Variants in PELI2 observed in about 807,000 individuals in gnomAD.
PELI2 encodes E3 ubiquitin-protein ligase pellino homolog 2.
PELI2 carries 23 observed loss-of-function variants against 42.3 expected under a neutral mutation model. That is an observed-to-expected ratio of 0.54 (90% CI 0.39 to 0.77). The LOEUF (loss-of-function observed/expected upper bound fraction) is 0.77, where lower values mean the gene tolerates loss of function less well. PELI2 is among the 30% of genes least tolerant of loss of function. PELI2 has a pLI of 0.00. For missense variants in PELI2, 463 were observed against 553.2 expected, an observed-to-expected ratio of 0.84 and a Z score of 1.64; for synonymous variants, 245 against 212.2, an observed-to-expected ratio of 1.15 and a Z score of -1.34.
intron 2 of PELI2, among the ~76,000 whole-genome samples, chr14:56,215,169 C>A (rs180751644): frequency 6.6e-5 from 10 of 152,322 alleles, no homozygotes; most frequent in Non-Finnish European, 1.3e-4. Flanking sequence ...AGATTTCTAT[C>A]AGCCTTATTT....
At chr14:56,128,600 G>A (rs1337570983) in intron 1 of PELI2, among the ~76,000 whole-genome samples, 3 of 152,110 alleles carry the variant, frequency 2.0e-5, no homozygotes, top group South Asian at 4.1e-4. Context: ...GGTGACCTGG[G>A]TTTTTTATAG....
chr14:56,183,098 G>A lies in PELI2; in HGVS notation c.207+4634G>A, dbSNP rs113319445. The stretch of plus-strand genomic sequence containing the variant: ...CTGCATTATAACTCTTGGATTGGTC[G>A]TGTGTGGTGTTTCATACTTAGAAGT... On this transcript the variant is annotated intron_variant, in intron 2 of 5. Coordinates refer to ENST00000267460, the MANE Select transcript of PELI2 (RefSeq NM_021255.3). 1.1e-3 allele frequency among the ~76,000 whole-genome samples: 168 copies of A among 152,164 alleles called. 1 individual carries two copies. Among genetic ancestry groups the A allele is most frequent in the Admixed American group, 5.2e-3 (80 of 15,292 alleles).
At chr14:56,138,151 C>A (rs1883752350) in intron 1 of PELI2, among the ~76,000 whole-genome samples, 1 of 152,212 alleles carries the variant, frequency 6.6e-6, no homozygotes, top group African/African-American at 2.4e-5. Flanking sequence ...TAGGTGCTCA[C>A]CAGAGCGTTA....
At chr14:56,290,626 G>A (rs1286112383) in intron 5 of PELI2, among the ~76,000 whole-genome samples, 170 bp downstream of exon 5, 1 of 152,128 alleles carries the variant, frequency 6.6e-6, no homozygotes, top group Non-Finnish European at 1.5e-5. Context: ...GAGGGAAATG[G>A]CCTTATCTCC....
intron 2 of PELI2, among the ~76,000 whole-genome samples, chr14:56,242,625 A>G (rs929956916): frequency 1.3e-5 from 2 of 152,240 alleles, no homozygotes; most frequent in African/African-American, 2.4e-5. Flanking sequence ...CAGTGAGTGG[A>G]TAAAGAAAAT....
Position 56,197,916 on chromosome 14 carries a change from GACACACACACAC to G in PELI2, c.207+19473_207+19484del, listed in dbSNP as rs55861626. 8.0e-5 allele frequency among the ~76,000 whole-genome samples: 11 copies of G among 138,258 alleles called. No individual in the cohort carries two copies. Among genetic ancestry groups the G allele is most frequent in the South Asian group, 2.4e-4 (1 of 4,126 alleles). The allele number at this position is 138,258 out of a possible 152,430, so 90.7% of individuals were successfully genotyped here. A position where few individuals can be genotyped will look rare whatever the true frequency, so the allele number is the denominator to read the frequency against. ...CACACCAGGAATGGTGACTGGTGAA[GACACACACACAC>G]ACACACACACACACACACACCAGGG... On this transcript the variant is annotated intron_variant, in intron 2 of 5. Coordinates refer to ENST00000267460, the MANE Select transcript of PELI2 (RefSeq NM_021255.3). This position sits in a 1 kb window ranked among gnomAD's most constrained non-coding sequence, Gnocchi z 4.9.
intron 2 of PELI2, among the ~76,000 whole-genome samples, chr14:56,194,459 T>G (rs956393930): frequency 5.3e-5 from 8 of 152,210 alleles, no homozygotes; most frequent in African/African-American, 1.9e-4. Flanking sequence ...AATCTGCTTC[T>G]TCACCAGTCG....
intron 2 of PELI2, among the ~76,000 whole-genome samples, chr14:56,214,072 C>G (rs747283550): frequency 1.3e-5 from 2 of 152,144 alleles, no homozygotes; most frequent in African/African-American, 2.4e-5. Flanking sequence ...AGGATGGTCT[C>G]GAACTCCAGA....
intron 3 of PELI2, among the ~76,000 whole-genome samples, chr14:56,287,553 A>G (rs1889684959): frequency 2.0e-5 from 3 of 152,212 alleles, no homozygotes; most frequent in South Asian, 4.1e-4. Context: ...CCTGAAATGC[A>G]TATATCTAGG....
chr14:56,223,776 A>G lies in PELI2; in HGVS notation c.207+45312A>G, dbSNP rs968923435. ...AAGTTGCAGAAGGGCAAAATAAGTCACAGTAGGTTTTTCGTTCATTTTTCT... is the reference window on the plus strand; with the variant it reads ...AAGTTGCAGAAGGGCAAAATAAGTCGCAGTAGGTTTTTCGTTCATTTTTCT... On this transcript the variant is annotated intron_variant, in intron 2 of 5. Coordinates refer to ENST00000267460, the MANE Select transcript of PELI2 (RefSeq NM_021255.3). 2.0e-5 allele frequency among the ~76,000 whole-genome samples: 3 copies of G among 152,356 alleles called. No homozygotes were observed. The South Asian group carries it at 6.2e-4, about 32-fold the overall frequency.
intron 2 of PELI2, among the ~76,000 whole-genome samples, chr14:56,233,127 A>G (rs1594666495): frequency 2.6e-5 from 4 of 152,322 alleles, no homozygotes; most frequent in South Asian, 2.1e-4. Flanking sequence ...ATGGAAGAAC[A>G]TTCCATGCTC....
chr14:56,294,056 G>A lies in PELI2; in HGVS notation c.697-2544G>A, dbSNP rs576820220. On this transcript the variant is annotated intron_variant, in intron 5 of 5. Coordinates refer to ENST00000267460, the MANE Select transcript of PELI2 (RefSeq NM_021255.3). The stretch of plus-strand genomic sequence containing the variant: ...GGGATGCTCGGTATGGTGGTGGGGC[G>A]GGGAAGGAGCATCAGCAAACTTCAG... Among the ~76,000 whole-genome samples the A allele has an allele frequency of 1.6e-4, 25 of 152,298 alleles. 1 individual carries two copies. The South Asian group carries it at 4.8e-3, about 29-fold the overall frequency.
At chr14:56,208,745 A>AGT (rs1349666176) in intron 2 of PELI2, among the ~76,000 whole-genome samples, 1 of 152,258 alleles carries the variant, frequency 6.6e-6, no homozygotes, top group Admixed American at 6.5e-5. Context: ...ATACCAAAGC[A>AGT]TGATGGTTAT....
Position 56,297,104 on chromosome 14 carries a change from G to A in PELI2, c.1201G>A (p.Ala401Thr). 6.2e-7 allele frequency: 1 copy of A among 1,607,932 alleles called. No individual in the cohort carries two copies. The highest frequency in any genetic ancestry group is 8.5e-7 in the Non-Finnish European group (1 of 1,179,958). The change falls in exon 6 of 6, where the codon GCT (alanine) becomes ACT (threonine). Residue 401 changes from alanine to threonine, a missense_variant. Coordinates refer to ENST00000267460, the MANE Select transcript of PELI2 (RefSeq NM_021255.3). ...HAFHAACPFC[A>T]TQLVGEQNCI... is the part of the protein sequence containing the mutation. ...ATTTCACGCTGCTTGCCCTTTCTGT[G>A]CTACACAGCTGGTTGGGGAGCAAAA...
intron 1 of PELI2, among the ~76,000 whole-genome samples, chr14:56,177,931 G>T (rs1012215089): frequency 6.6e-6 from 1 of 152,152 alleles, no homozygotes; most frequent in Non-Finnish European, 1.5e-5. Flanking sequence ...GGTTTAATTA[G>T]TATGCTATTT....
intron 1 of PELI2, among the ~76,000 whole-genome samples, chr14:56,141,011 A>G (rs1039055498): frequency 6.6e-6 from 1 of 152,140 alleles, no homozygotes; most frequent in African/African-American, 2.4e-5. Context: ...CTGCTGAGGA[A>G]AGCATTAGTT....
At chr14:56,178,233 T>C (rs978631440) in intron 1 of PELI2, 102 bp from the exon 2 acceptor site, 18 of 1,239,096 alleles carry the variant, frequency 1.5e-5, no homozygotes, top group Non-Finnish European at 1.9e-5. Flanking sequence ...GGCAATTCTT[T>C]TATGACCATT....
Position 56,258,303 on chromosome 14 carries a change from G to A in PELI2, c.208-21373G>A, listed in dbSNP as rs540343917. On this transcript the variant is annotated intron_variant, in intron 2 of 5. Transcript: ENST00000267460. Reference sequence around the variant, plus strand: ...AATCAAGAACCGCCCCCCCACCCCCGCAAAAAAAAATTAATGGCCAGCATC... The same window carrying A: ...AATCAAGAACCGCCCCCCCACCCCCACAAAAAAAAATTAATGGCCAGCATC... Among the ~76,000 whole-genome samples, 45 of 147,076 alleles carry A rather than the reference G, an allele frequency of 3.1e-4. 1 individual carries two copies. The highest frequency in any genetic ancestry group is 1.0e-3 in the African/African-American group (41 of 39,628).
At chr14:56,264,607 G>T (rs1158478873) in intron 2 of PELI2, among the ~76,000 whole-genome samples, 1 of 152,180 alleles carries the variant, frequency 6.6e-6, no homozygotes, top group Non-Finnish European at 1.5e-5. Flanking sequence ...GGACACCATT[G>T]TTCTGAAACT....
Sources: gnomAD v4.1 joint callset for allele counts (sites outside exome capture counted in the v4.1 genomes callset) on GRCh38, gnomAD v4.1.1 for gene constraint, Gnocchi (gnomAD v3.1) non-coding constraint, MANE v1.5 for transcripts, NCBI Gene and HGNC (gene_info 2026-07-23, HGNC 2026-07-21) for gene names.